The following NRG3 variants were observed in gnomAD, a reference collection of about 807,000 sequenced individuals.
NRG3 encodes pro-neuregulin-3, membrane-bound isoform.
In NRG3, 31 loss-of-function variants were observed where a neutral mutation model predicts 66.9. The observed-to-expected ratio is 0.46, with a 90% CI of 0.35 to 0.63. NRG3 has a LOEUF of 0.63. NRG3 is among the 20% of genes least tolerant of loss of function. NRG3 has a pLI of 0.00. For synonymous variants in NRG3, 393 were observed against 359.4 expected (o/e 1.09, Z -1.06); for missense variants, 910 against 878.9 (o/e 1.04, Z -0.45).
chr10:81,975,668 C>G (rs1411792329), intron 1 of NRG3, among the ~76,000 whole-genome samples: 2 of 152,166 alleles, frequency 1.3e-5, no homozygotes, highest in African/African-American at 2.4e-5. Flanking sequence ...GTGGAACTTA[C>G]TCTTGCAGAG....
At chr10:82,803,637 A>T (rs2061147205) in intron 3 of NRG3, among the ~76,000 whole-genome samples, 1 of 152,210 alleles carries the variant, frequency 6.6e-6, no homozygotes. Context: ...ATTGCAGATG[A>T]ATAAAAGGGT....
intron 1 of NRG3, among the ~76,000 whole-genome samples, chr10:82,079,447 C>G (rs770535228): frequency 4.6e-5 from 7 of 152,194 alleles, no homozygotes; most frequent in Non-Finnish European, 8.8e-5. Context: ...TCCACATTAT[C>G]AATATCCTCC....
chr10:82,885,266 A>G (rs909103111), intron 4 of NRG3, among the ~76,000 whole-genome samples: 4 of 152,196 alleles, frequency 2.6e-5, no homozygotes, highest in East Asian at 3.9e-4. Context: ...AATAGAAGGC[A>G]AAAGCATGAT....
At chr10:82,840,251 C>G (rs370461316) in intron 3 of NRG3, among the ~76,000 whole-genome samples, 3 of 152,120 alleles carry the variant, frequency 2.0e-5, no homozygotes, top group African/African-American at 7.2e-5. Context: ...CCTTCACTCC[C>G]ATCAGGTAGT....
At chr10:82,565,127 G>A (rs944503558) in intron 2 of NRG3, among the ~76,000 whole-genome samples, 1 of 152,074 alleles carries the variant, frequency 6.6e-6, no homozygotes. Context: ...ACCTAAGATG[G>A]AATAATATGA....
chr10:82,781,974 C>G (rs967060788), intron 3 of NRG3, among the ~76,000 whole-genome samples: 16 of 152,140 alleles, frequency 1.1e-4, no homozygotes, highest in Non-Finnish European at 1.9e-4. Flanking sequence ...TTCCACTCGT[C>G]CAGTGTATCT....
intron 1 of NRG3, among the ~76,000 whole-genome samples, chr10:81,955,663 G>A (rs902896641): frequency 3.9e-5 from 6 of 152,156 alleles, no homozygotes; most frequent in African/African-American, 1.4e-4. Flanking sequence ...GAAAATCACA[G>A]CAAAATAAAA....
chr10:82,897,280 T>C (rs1039599982), intron 4 of NRG3, among the ~76,000 whole-genome samples: 3 of 152,206 alleles, frequency 2.0e-5, no homozygotes, highest in Admixed American at 6.5e-5. Context: ...CATAATCTAA[T>C]GCTTGAGAGA....
intron 3 of NRG3, among the ~76,000 whole-genome samples, chr10:82,767,881 C>G (rs2059576830): frequency 6.6e-6 from 1 of 151,750 alleles, no homozygotes; most frequent in Non-Finnish European, 1.5e-5. Context: ...TGTTCTCTCT[C>G]TCTCTCTCTC....
intron 2 of NRG3, among the ~76,000 whole-genome samples, chr10:82,693,317 A>G (rs940609485): frequency 2.6e-5 from 4 of 152,234 alleles, no homozygotes; most frequent in Non-Finnish European, 5.9e-5. Context: ...TGAATAAAGT[A>G]TTTTATTTAA....
intron 2 of NRG3, among the ~76,000 whole-genome samples, chr10:82,409,592 C>T (rs188604061): frequency 4.6e-5 from 7 of 152,240 alleles, no homozygotes; most frequent in East Asian, 1.9e-4. Flanking sequence ...CTGGATGGCT[C>T]ATTGTCAGAA....
chr10:82,323,504 T>G (rs76690196), intron 1 of NRG3, among the ~76,000 whole-genome samples: 11 of 151,692 alleles, frequency 7.3e-5, no homozygotes, highest in African/African-American at 2.7e-4. Context: ...TTTTTTTTTT[T>G]GGATTAAGTT....
At chr10:82,014,504 G>A (rs911127403) in intron 1 of NRG3, among the ~76,000 whole-genome samples, 1 of 152,176 alleles carries the variant, frequency 6.6e-6, no homozygotes, top group Non-Finnish European at 1.5e-5. Context: ...CATGGGCTAG[G>A]CATTGTTTCA....
intron 1 of NRG3, among the ~76,000 whole-genome samples, chr10:82,304,914 T>G (rs2080626285): frequency 6.6e-6 from 1 of 151,886 alleles, no homozygotes; most frequent in African/African-American, 2.4e-5. Context: ...CTTAAAATAT[T>G]GACTATCACA....
chr10:82,118,603 T>C (rs1209273598), intron 1 of NRG3, among the ~76,000 whole-genome samples: 1 of 152,174 alleles, frequency 6.6e-6, no homozygotes, highest in African/African-American at 2.4e-5. Flanking sequence ...TTAGGATGTA[T>C]AAAGAAAGTG....
chr10:82,967,019 GCT>G (rs1431785917), intron 6 of NRG3, among the ~76,000 whole-genome samples: 1 of 151,702 alleles, frequency 6.6e-6, no homozygotes, highest in African/African-American at 2.4e-5. Flanking sequence ...CATGGAAATA[GCT>G]AGTTTCTTTC....
intron 1 of NRG3, among the ~76,000 whole-genome samples, chr10:82,158,743 C>T (rs1259946395): frequency 6.6e-6 from 1 of 151,816 alleles, no homozygotes; most frequent in Non-Finnish European, 1.5e-5. Flanking sequence ...CAAATGCTTA[C>T]TCTTGAAATC....
At chr10:82,120,343 T>G (rs1049698004) in intron 1 of NRG3, among the ~76,000 whole-genome samples, 2 of 152,186 alleles carry the variant, frequency 1.3e-5, no homozygotes, top group African/African-American at 2.4e-5. Flanking sequence ...GGTCTAAATT[T>G]CTGTTTTGTT....
chr10:82,202,676 T>A (rs1385889025), intron 1 of NRG3, among the ~76,000 whole-genome samples: 1 of 152,182 alleles, frequency 6.6e-6, no homozygotes, highest in African/African-American at 2.4e-5. Context: ...ACTAGTTGAA[T>A]CAAAATCAAC....
Sources: allele counts gnomAD v4.1 joint callset (sites outside exome capture counted in the v4.1 genomes callset), GRCh38; gene constraint gnomAD v4.1.1; transcripts MANE v1.5; gene names NCBI Gene and HGNC (gene_info 2026-07-23, HGNC 2026-07-21).